SCN9A: variants seen among roughly 807,000 people sequenced by gnomAD.
SCN9A encodes sodium voltage-gated channel alpha subunit 9, also known as sodium channel protein type 9 subunit alpha.
Under a neutral mutation model 187.0 loss-of-function variants are expected in SCN9A, and 131 were observed. The ratio of observed to expected loss-of-function variants is 0.70; its 90% CI spans 0.61 to 0.81. The LOEUF (loss-of-function observed/expected upper bound fraction) is 0.81, where lower values mean the gene tolerates loss of function less well. Among genes scored for constraint, SCN9A ranks in the 30% least tolerant of loss-of-function variants. The pLI is 0.00. For missense variants in SCN9A, 2,252 were observed against 2,396.6 expected (o/e 0.94, Z 1.26); for synonymous variants, 809 against 808.6 (o/e 1.00, Z -0.01).
intron 1 of SCN9A, among the ~76,000 whole-genome samples, chr2:166,329,638 C>CAATA (rs1352614514): frequency 6.6e-6 from 1 of 151,878 alleles, no homozygotes; most frequent in African/African-American, 2.4e-5. Context: ...GCCTGGGACA[C>CAATA]AATACTAACT....
At chr2:166,302,900 G>T in intron 7 of SCN9A, 190 bp downstream of exon 7, 1 of 530,618 alleles carries the variant, frequency 1.9e-6, no homozygotes, top group Non-Finnish European at 3.3e-6. Flanking sequence ...TGCCAGTACT[G>T]CTAGATAGCT....
chr2:166,311,256 A>AG (rs1698933749), intron 2 of SCN9A, among the ~76,000 whole-genome samples: 1 of 143,468 alleles, frequency 7.0e-6, no homozygotes, highest in Admixed American at 7.0e-5. Context: ...ATTAAAAAAA[A>AG]AAATTAAAAG....
intron 18 of SCN9A, 62 bp from the exon 19 acceptor site, chr2:166,242,718 T>C: frequency 3.8e-6 from 5 of 1,299,676 alleles, no homozygotes; most frequent in Non-Finnish European, 5.3e-6. Context: ...TTTTAATACA[T>C]TATTTAATGC....
chr2:166,334,988 T>G (rs564139470), intron 1 of SCN9A, among the ~76,000 whole-genome samples: 1 of 152,246 alleles, frequency 6.6e-6, no homozygotes, highest in East Asian at 1.9e-4. Flanking sequence ...CTGTTAGTAT[T>G]TGCTGGCTTA....
rs1387965548 is a variant in SCN9A at position 166,198,952 on chromosome 2, A to G, written c.5687T>C (p.Ile1896Thr). 4 of 1,613,864 alleles carry G rather than the reference A, an allele frequency of 2.5e-6. No individual in the cohort carries two copies. Among genetic ancestry groups the G allele is most frequent in the Non-Finnish European group, 3.4e-6 (4 of 1,179,908 alleles). The change falls in exon 27 of 27, where the codon ATT becomes ACT. Residue 1896 changes from isoleucine to threonine, a missense_variant. Coordinates refer to ENST00000642356, the MANE Select transcript of SCN9A (RefSeq NM_001365536.1). ...RKQEDVSATV[I>T]QRAYRRYRLR... ...GCGGTAACGTCTATAAGCACGCTGA[A>G]TGACAGTAGCAGACACATCCTCTTG... is the stretch of plus-strand genomic sequence containing the variant.
intron 16 of SCN9A, among the ~76,000 whole-genome samples, chr2:166,274,238 G>A (rs1697129499): frequency 6.6e-6 from 1 of 151,994 alleles, no homozygotes; most frequent in African/African-American, 2.4e-5. Flanking sequence ...AAAATCATAA[G>A]TCTCTAATAT....
In SCN9A at chr2:166,294,556, C is replaced by G. The variant is rs976047463; in HGVS notation, c.965+43G>C. Reference sequence around the variant, plus strand: ...AAACTGACTGAACATTCTTTTCCTTCTCTTTCAGCCTTTAGACTAAAAAGA... The same window carrying G: ...AAACTGACTGAACATTCTTTTCCTTGTCTTTCAGCCTTTAGACTAAAAAGA... On this transcript the variant is annotated intron_variant, in intron 8 of 26. Transcript: ENST00000642356. The G allele has an allele frequency of 4.9e-6, 7 of 1,423,554 alleles. No individual in the cohort carries two copies. The Admixed American group carries it at 1.2e-4, about 25-fold the overall frequency. 88.2% of individuals were successfully genotyped at this position (1,423,554 alleles called of 1,614,324 possible).
chr2:166,209,191 C>T (rs1482430119), intron 24 of SCN9A, among the ~76,000 whole-genome samples: 1 of 152,156 alleles, frequency 6.6e-6, no homozygotes, highest in African/African-American at 2.4e-5. Context: ...TGTTTTGTGT[C>T]CTTTGTGACA....
At chr2:166,304,736 T>C (rs1698697063) in intron 5 of SCN9A, among the ~76,000 whole-genome samples, 2 of 151,938 alleles carry the variant, frequency 1.3e-5, no homozygotes, top group Non-Finnish European at 2.9e-5. Flanking sequence ...AGATAAAACA[T>C]AGATGAGTGG....
intron 20 of SCN9A, among the ~76,000 whole-genome samples, chr2:166,236,457 G>A (rs1297332999): frequency 6.6e-6 from 1 of 152,122 alleles, no homozygotes; most frequent in South Asian, 2.1e-4. Flanking sequence ...GTCTCACCCT[G>A]TCGCCCAAGC....
chr2:166,288,390 G>T (rs555808917), intron 10 of SCN9A, 47 bp downstream of exon 10: 2 of 1,485,060 alleles, frequency 1.3e-6, no homozygotes, highest in African/African-American at 1.4e-5. Flanking sequence ...TGTTGTAACC[G>T]TTTGCATTTC....
intron 26 of SCN9A, 149 bp downstream of exon 26, chr2:166,203,806 G>A (rs937109979): frequency 6.7e-6 from 4 of 592,808 alleles, no homozygotes; most frequent in African/African-American, 1.9e-5. Flanking sequence ...ACAGATATTT[G>A]TTTTGCTTTT....
At chr2:166,217,417 A>C (rs959514419) in intron 24 of SCN9A, among the ~76,000 whole-genome samples, 1 of 152,082 alleles carries the variant, frequency 6.6e-6, no homozygotes, top group African/African-American at 2.4e-5. Flanking sequence ...CAGAGTGGAG[A>C]GAGAGATCAT....
intron 1 of SCN9A, among the ~76,000 whole-genome samples, chr2:166,371,895 T>C (rs1235871190): frequency 6.6e-6 from 1 of 152,220 alleles, no homozygotes; most frequent in Non-Finnish European, 1.5e-5. Context: ...AGATGTAATG[T>C]GGTAACCAAA....
At position 166,280,518 on chromosome 2, in the gene SCN9A, G is replaced by A. The variant is rs200065013; in HGVS notation, c.2182C>T (p.Pro728Ser). The change falls in exon 14 of 27, where the codon CCA becomes TCA. Residue 728 changes from proline (P) to serine (S), a missense_variant. By Grantham distance (74) the Pro-to-Ser change is moderately conservative. Coordinates refer to ENST00000642356, the MANE Select transcript of SCN9A (RefSeq NM_001365536.1). ...CACTTTTTGAATTTTATCCAATATG[G>A]AGAGCAATTCCAGATCAAGAATTTG... ...AHKFLIWNCS[P>S]YWIKFKKCIY... 1.3e-6 allele frequency: 2 copies of A among 1,591,186 alleles called. No individual in the cohort carries two copies. Among genetic ancestry groups the A allele is most frequent in the Non-Finnish European group, 1.7e-6 (2 of 1,166,892 alleles).
chr2:166,363,409 T>A (rs1323778530), intron 1 of SCN9A, among the ~76,000 whole-genome samples: 1 of 151,992 alleles, frequency 6.6e-6, no homozygotes, highest in South Asian at 2.1e-4. Context: ...ATATCTAGGA[T>A]TAGAAAATGA....
At chr2:166,341,986 T>C (rs893949633) in intron 1 of SCN9A, among the ~76,000 whole-genome samples, 2 of 152,194 alleles carry the variant, frequency 1.3e-5, no homozygotes, top group Non-Finnish European at 1.5e-5. Context: ...ATAATGTCAA[T>C]ACATAGGGAG....
chr2:166,216,712 A>T (rs1397636323), intron 24 of SCN9A, among the ~76,000 whole-genome samples: 1 of 152,052 alleles, frequency 6.6e-6, no homozygotes, highest in East Asian at 1.9e-4. Context: ...TGAAAACTAT[A>T]AGTTGATTTA....
chr2:166,270,440 C>T (rs1172663443), intron 17 of SCN9A, among the ~76,000 whole-genome samples: 1 of 151,342 alleles, frequency 6.6e-6, no homozygotes, highest in Non-Finnish European at 1.5e-5. Context: ...AACTACTCGC[C>T]CATAGATATC....
Sources: gnomAD v4.1 joint callset for allele counts (sites outside exome capture counted in the v4.1 genomes callset) on GRCh38, gnomAD v4.1.1 for gene constraint, MANE v1.5 for transcripts, NCBI Gene and HGNC (gene_info 2026-07-23, HGNC 2026-07-21) for gene names.